MPZL1: variants seen among roughly 807,000 people sequenced by gnomAD.
MPZL1 encodes the protein myelin protein zero like 1, also known as myelin protein zero-like protein 1.
In MPZL1, 16 loss-of-function variants were observed where a neutral mutation model predicts 29.3. That is an observed-to-expected ratio of 0.55 (90% CI 0.37 to 0.83). The LOEUF is 0.83. Among genes scored for constraint, MPZL1 ranks in the 40% least tolerant of loss-of-function variants. The pLI is 0.00. For synonymous variants in MPZL1, 143 were observed against 132.0 expected, an observed-to-expected ratio of 1.08 and a Z score of -0.57; for missense variants, 279 against 332.9, an observed-to-expected ratio of 0.84 and a Z score of 1.26.
intron 1 of MPZL1, among the ~76,000 whole-genome samples, chr1:167,739,840 G>A (rs1217097978): frequency 6.6e-6 from 1 of 152,088 alleles, no homozygotes; most frequent in Admixed American, 6.6e-5. Flanking sequence ...ACCAGAAAAT[G>A]TAGCAACTCC....
At position 167,722,020 on chromosome 1, in the gene MPZL1, G is replaced by C; in HGVS notation, c.-132G>C. On this transcript the variant is annotated 5_prime_UTR_variant, in exon 1 of 6. Coordinates refer to ENST00000359523, the MANE Select transcript of MPZL1 (RefSeq NM_003953.6). ...GCCGCGGCTGGGACCGGAGTGGGGA[G>C]CGCGGCGTGGAGGTGCCACCCGGCG... 8.4e-7 allele frequency: 1 copy of C among 1,190,606 alleles called. No homozygotes were observed. The highest frequency in any genetic ancestry group is 1.1e-6 in the Non-Finnish European group (1 of 951,058). 73.8% of individuals were successfully genotyped at this position (1,190,606 alleles called of 1,614,324 possible). A position where few individuals can be genotyped will look rare whatever the true frequency, so the allele number is the denominator to read the frequency against.
At chr1:167,746,816 A>G (rs1427651145) in intron 1 of MPZL1, among the ~76,000 whole-genome samples, 2 of 152,236 alleles carry the variant, frequency 1.3e-5, no homozygotes, top group Non-Finnish European at 2.9e-5. Context: ...GTGATTTATC[A>G]TTCTTAGTTT....
At position 167,782,346 on chromosome 1, in the gene MPZL1, T is replaced by C. The variant is rs997996366; in HGVS notation, c.709-5474T>C. On this transcript the variant is annotated intron_variant, in intron 5 of 5. Transcript: ENST00000359523. Reference sequence around the variant, plus strand: ...ATAATTCCAGTGTCTGTAGTCTTTATTGATCTGACTACGGTTTTTGTTTCT... The same window carrying C: ...ATAATTCCAGTGTCTGTAGTCTTTACTGATCTGACTACGGTTTTTGTTTCT... Among the ~76,000 whole-genome samples, 4 of 152,234 alleles carry C rather than the reference T, an allele frequency of 2.6e-5. No homozygotes were observed. The East Asian group carries it at 7.7e-4, about 29-fold the overall frequency.
At chr1:167,769,345 T>C (rs1183228345) in intron 2 of MPZL1, among the ~76,000 whole-genome samples, 1 of 152,176 alleles carries the variant, frequency 6.6e-6, no homozygotes, top group African/African-American at 2.4e-5. Context: ...TTCTTGAGTA[T>C]AGTAAAGGTA....
At chr1:167,734,384 T>C (rs934399994) in intron 1 of MPZL1, among the ~76,000 whole-genome samples, 2 of 152,170 alleles carry the variant, frequency 1.3e-5, no homozygotes, top group African/African-American at 4.8e-5. Context: ...TTTTGGTCCA[T>C]GTTTCAGCCA....
intron 1 of MPZL1, among the ~76,000 whole-genome samples, chr1:167,761,781 C>G (rs1660993602): frequency 6.6e-6 from 1 of 152,042 alleles, no homozygotes; most frequent in East Asian, 1.9e-4. Context: ...GGTCAGCCAC[C>G]CTGGTGGAGA....
chr1:167,775,681 AG>A (rs1369471589), intron 4 of MPZL1, among the ~76,000 whole-genome samples: 1 of 152,242 alleles, frequency 6.6e-6, no homozygotes, highest in African/African-American at 2.4e-5. Flanking sequence ...AGCTAATAAA[AG>A]GTACCATAGA....
chr1:167,744,608 C>T (rs1984896), intron 1 of MPZL1, among the ~76,000 whole-genome samples: 30,730 of 147,288 alleles, frequency 0.21, 3,307 homozygotes, highest in Non-Finnish European at 0.23. Context: ...CACTTGAACC[C>T]GGGGGTCAGA....
chr1:167,785,173 C>T (rs1408658064), intron 5 of MPZL1, among the ~76,000 whole-genome samples: 1 of 152,220 alleles, frequency 6.6e-6, no homozygotes, highest in East Asian at 1.9e-4. Context: ...TCTGGATGAG[C>T]TCAGCTGATC....
At chr1:167,784,486 A>C (rs187242922) in intron 5 of MPZL1, among the ~76,000 whole-genome samples, 1 of 152,136 alleles carries the variant, frequency 6.6e-6, no homozygotes, top group Non-Finnish European at 1.5e-5. Context: ...TAACAATGGT[A>C]GGTTCATTTC....
intron 1 of MPZL1, among the ~76,000 whole-genome samples, chr1:167,730,576 C>T (rs1356982735): frequency 6.6e-6 from 1 of 152,080 alleles, no homozygotes; most frequent in East Asian, 1.9e-4. Context: ...ACCATGTCAG[C>T]TGATGTGGTT....
intron 5 of MPZL1, among the ~76,000 whole-genome samples, chr1:167,778,578 AAAT>A (rs1037402666): frequency 9.9e-5 from 15 of 151,732 alleles, no homozygotes; most frequent in East Asian, 3.9e-4. Context: ...AGATTTAAAA[AAAT>A]AATAATTTAA....
intron 1 of MPZL1, among the ~76,000 whole-genome samples, chr1:167,753,582 G>A (rs1323234945): frequency 1.3e-5 from 2 of 151,796 alleles, no homozygotes; most frequent in African/African-American, 2.4e-5. Context: ...TAGGCCGTTT[G>A]TCCAGCTGCA....
intron 1 of MPZL1, among the ~76,000 whole-genome samples, chr1:167,728,363 T>C (rs1364151770): frequency 1.6e-5 from 1 of 64,496 alleles, no homozygotes; most frequent in Non-Finnish European, 2.8e-5. Flanking sequence ...TCTTTCTTTC[T>C]TTTTTTTTTT....
intron 1 of MPZL1, among the ~76,000 whole-genome samples, chr1:167,756,429 ATTTTTT>A (rs11455159): frequency 2.1e-5 from 2 of 94,632 alleles, no homozygotes; most frequent in African/African-American, 4.2e-5. Context: ...GTCTGGCCAG[ATTTTTT>A]TTTTTTTTTT....
chr1:167,733,702 C>T (rs1660314962), intron 1 of MPZL1, among the ~76,000 whole-genome samples: 2 of 151,848 alleles, frequency 1.3e-5, no homozygotes, highest in South Asian at 4.2e-4. Context: ...TGAGATTGTG[C>T]CACTGCACTC....
At chr1:167,760,843 A>G (rs1660973144) in intron 1 of MPZL1, among the ~76,000 whole-genome samples, 1 of 150,778 alleles carries the variant, frequency 6.6e-6, no homozygotes, top group Non-Finnish European at 1.5e-5. Flanking sequence ...AAGAGAAGGA[A>G]TGTTAAATAG....
chr1:167,747,482 C>G (rs1225645339), intron 1 of MPZL1, among the ~76,000 whole-genome samples: 1 of 152,146 alleles, frequency 6.6e-6, no homozygotes, highest in Non-Finnish European at 1.5e-5. Context: ...GCCTCAGCCT[C>G]CCGAAGTGCT....
At chr1:167,735,341 A>G (rs1415262195) in intron 1 of MPZL1, among the ~76,000 whole-genome samples, 1 of 152,176 alleles carries the variant, frequency 6.6e-6, no homozygotes, top group African/African-American at 2.4e-5. Context: ...ACTACTGGAA[A>G]TAGTCATTAG....
Sources: gnomAD v4.1 joint callset for allele counts (sites outside exome capture counted in the v4.1 genomes callset) on GRCh38, gnomAD v4.1.1 for gene constraint, MANE v1.5 for transcripts, NCBI Gene and HGNC (gene_info 2026-07-23, HGNC 2026-07-21) for gene names.